Variants in SPOCK3 observed in about 807,000 individuals in gnomAD.
SPOCK3 encodes the protein SPARC (osteonectin), cwcv and kazal like domains proteoglycan 3, also known as testican-3.
A neutral mutation model predicts 56.6 loss-of-function variants in SPOCK3; 30 were observed. The observed-to-expected ratio is 0.53, with a 90% confidence interval of 0.40 to 0.72. The LOEUF is 0.72. Among genes scored for constraint, SPOCK3 ranks in the 30% least tolerant of loss-of-function variants. SPOCK3 has a pLI of 0.00. For synonymous variants in SPOCK3, 196 were observed against 183.3 expected (o/e 1.07, Z -0.56); for missense variants, 527 against 530.0 (o/e 0.99, Z 0.06).
At chr4:166,895,194 G>A (rs1735242574) in intron 5 of SPOCK3, among the ~76,000 whole-genome samples, 1 of 151,748 alleles carries the variant, frequency 6.6e-6, no homozygotes, top group South Asian at 2.1e-4. Flanking sequence ...TGATACATAT[G>A]ATTAATAAAA....
At chr4:167,038,315 G>T (rs1200630681) in intron 3 of SPOCK3, among the ~76,000 whole-genome samples, 1 of 152,100 alleles carries the variant, frequency 6.6e-6, no homozygotes, top group South Asian at 2.1e-4. Flanking sequence ...AAAAGAAAGG[G>T]TAAAGAAATT....
intron 6 of SPOCK3, among the ~76,000 whole-genome samples, chr4:166,835,196 C>G (rs1033919357): frequency 1.3e-5 from 2 of 152,010 alleles, no homozygotes; most frequent in Admixed American, 6.5e-5. Flanking sequence ...CTGACTTATA[C>G]CTTAGAGTGT....
intron 6 of SPOCK3, among the ~76,000 whole-genome samples, chr4:166,826,321 A>G (rs1357976914): frequency 3.3e-5 from 5 of 152,130 alleles, no homozygotes; most frequent in Non-Finnish European, 7.4e-5. Flanking sequence ...CAATTTGGCA[A>G]TTGAAGGTGC....
intron 2 of SPOCK3, among the ~76,000 whole-genome samples, chr4:167,133,964 A>G (rs1014765502): frequency 4.0e-5 from 6 of 150,700 alleles, no homozygotes; most frequent in African/African-American, 7.3e-5. Context: ...ATGTTGGTGT[A>G]GGCATGCTAT....
chr4:166,992,045 C>T (rs1747845540), intron 4 of SPOCK3, among the ~76,000 whole-genome samples: 1 of 152,166 alleles, frequency 6.6e-6, no homozygotes, highest in African/African-American at 2.4e-5. Context: ...TTCTTTACAG[C>T]CATTCAAAGA....
chr4:166,924,022 T>C (rs1217841052), intron 4 of SPOCK3, among the ~76,000 whole-genome samples: 1 of 152,106 alleles, frequency 6.6e-6, no homozygotes. Context: ...TGAAAGAAAG[T>C]AGTGGGTACA....
At chr4:167,003,150 G>A (rs1749119918) in intron 3 of SPOCK3, among the ~76,000 whole-genome samples, 1 of 151,852 alleles carries the variant, frequency 6.6e-6, no homozygotes, top group Admixed American at 6.6e-5. Flanking sequence ...GTTTTGTCAT[G>A]TATGCTCAAG....
At chr4:166,793,694 C>T (rs910433119) in intron 6 of SPOCK3, among the ~76,000 whole-genome samples, 3 of 152,072 alleles carry the variant, frequency 2.0e-5, no homozygotes, top group Admixed American at 2.0e-4. Context: ...TCATAAACTT[C>T]CATGGGGGAA....
In SPOCK3 at chr4:166,850,735, C is replaced by T. The variant is rs186653244; in HGVS notation, c.589+38395G>A. Among the ~76,000 whole-genome samples, 53 of 152,356 alleles carry T rather than the reference C, an allele frequency of 3.5e-4. No homozygotes were observed. The East Asian group carries it at 5.2e-3, about 15-fold the overall frequency. ...GGCACCTGGAAAATCGGGTCACTCC[C>T]GCCCGAATACTGCGCTTTTCCGACG... On this transcript the variant is annotated intron_variant, in intron 6 of 10. Transcript: ENST00000357545.
At chr4:166,913,413 T>G (rs539263224) in intron 4 of SPOCK3, among the ~76,000 whole-genome samples, 25 of 152,280 alleles carry the variant, frequency 1.6e-4, no homozygotes, top group African/African-American at 6.0e-4. Context: ...TGCCTATTTG[T>G]GTGAACAATT....
At chr4:166,831,082 C>T (rs1452919235) in intron 6 of SPOCK3, among the ~76,000 whole-genome samples, 1 of 151,860 alleles carries the variant, frequency 6.6e-6, no homozygotes, top group African/African-American at 2.4e-5. Context: ...ATATCAAAAA[C>T]AAATCTGTAG....
At chr4:167,198,815 T>A (rs1733219337) in intron 2 of SPOCK3, among the ~76,000 whole-genome samples, 1 of 152,106 alleles carries the variant, frequency 6.6e-6, no homozygotes, top group South Asian at 2.1e-4. Flanking sequence ...TTAAACTCAA[T>A]AAATTTGTCT....
intron 5 of SPOCK3, among the ~76,000 whole-genome samples, chr4:166,903,631 C>G (rs746580992): frequency 7.9e-5 from 12 of 151,882 alleles, no homozygotes; most frequent in Non-Finnish European, 1.6e-4. Flanking sequence ...TTAATATTTC[C>G]GGATTGTAGT....
intron 6 of SPOCK3, among the ~76,000 whole-genome samples, chr4:166,861,685 T>G (rs750802182): frequency 1.3e-5 from 2 of 152,102 alleles, no homozygotes; most frequent in Non-Finnish European, 1.5e-5. Flanking sequence ...ACCTCTGAAC[T>G]CATGCTGGTC....
At chr4:167,126,436 C>T (rs1459404866) in intron 2 of SPOCK3, among the ~76,000 whole-genome samples, 3 of 152,044 alleles carry the variant, frequency 2.0e-5, no homozygotes, top group Non-Finnish European at 2.9e-5. Flanking sequence ...GAAATCCTGG[C>T]TACTTGGGAG....
chr4:167,122,079 CCTTT>C (rs900847306), intron 2 of SPOCK3, among the ~76,000 whole-genome samples: 9 of 146,440 alleles, frequency 6.1e-5, no homozygotes, highest in East Asian at 2.1e-4. Context: ...CTTTTCTTTT[CCTTT>C]CTTTTCTTTT....
chr4:167,051,531 A>C (rs991628528), intron 3 of SPOCK3, among the ~76,000 whole-genome samples: 1 of 152,210 alleles, frequency 6.6e-6, no homozygotes, highest in Non-Finnish European at 1.5e-5. Flanking sequence ...AGCAGTATAC[A>C]ACAACTTTCA....
intron 3 of SPOCK3, among the ~76,000 whole-genome samples, chr4:167,028,991 C>T (rs955313075): frequency 6.6e-6 from 1 of 151,898 alleles, no homozygotes; most frequent in Admixed American, 6.6e-5. Context: ...TAAACGAGTG[C>T]CATGGTGGTT....
intron 2 of SPOCK3, among the ~76,000 whole-genome samples, chr4:167,154,159 G>GAATA (rs1764626975): frequency 6.6e-6 from 1 of 151,902 alleles, no homozygotes; most frequent in Non-Finnish European, 1.5e-5. Flanking sequence ...TTCCAAGAAG[G>GAATA]GGTTCATAGA....
Sources: allele counts gnomAD v4.1 joint callset (sites outside exome capture counted in the v4.1 genomes callset), GRCh38; gene constraint gnomAD v4.1.1; transcripts MANE v1.5; gene names NCBI Gene and HGNC (gene_info 2026-07-23, HGNC 2026-07-21).